Variants in ROBO2 observed in about 807,000 individuals in gnomAD.
The protein encoded by ROBO2 is roundabout homolog 2.
In ROBO2, 53 loss-of-function variants were observed where a neutral mutation model predicts 160.8. The ratio of observed to expected loss-of-function variants is 0.33; its 90% CI spans 0.26 to 0.41. The LOEUF (loss-of-function observed/expected upper bound fraction) is 0.41, where lower values mean the gene tolerates loss of function less well. Among genes scored for constraint, ROBO2 ranks in the 10% least tolerant of loss-of-function variants. The pLI is 1.00. For synonymous variants in ROBO2, 664 were observed against 611.7 expected, an observed-to-expected ratio of 1.09 and a Z score of -1.26; for missense variants, 1,577 against 1,722.4, an observed-to-expected ratio of 0.92 and a Z score of 1.49.
At chr3:76,108,912 T>C (rs2070080509) in intron 2 of ROBO2, among the ~76,000 whole-genome samples, 1 of 151,406 alleles carries the variant, frequency 6.6e-6, no homozygotes, top group Non-Finnish European at 1.5e-5. Context: ...GTAATTTTAT[T>C]AGATTACTAT....
At chr3:76,942,102 T>C (rs1013027380) in intron 2 of ROBO2, among the ~76,000 whole-genome samples, 1 of 152,226 alleles carries the variant, frequency 6.6e-6, no homozygotes, top group African/African-American at 2.4e-5. Context: ...ATGAAATTCA[T>C]ATATGTGAAG....
chr3:76,621,076 C>A (rs140055123), intron 2 of ROBO2, among the ~76,000 whole-genome samples: 60 of 151,530 alleles, frequency 4.0e-4, no homozygotes, highest in African/African-American at 1.5e-3. Flanking sequence ...TTTTAATACT[C>A]ATTTCACCAG....
chr3:77,176,566 A>C (rs889944924), intron 2 of ROBO2, among the ~76,000 whole-genome samples: 3 of 152,054 alleles, frequency 2.0e-5, no homozygotes, highest in Non-Finnish European at 4.4e-5. Context: ...AGCATATATC[A>C]TTAGAAAGAT....
intron 1 of ROBO2, among the ~76,000 whole-genome samples, chr3:75,912,174 A>G (rs1946626269): frequency 6.6e-6 from 1 of 152,228 alleles, no homozygotes; most frequent in East Asian, 1.9e-4. Flanking sequence ...GTACTCAAGC[A>G]TGTGGAGAGA....
At chr3:76,065,190 T>C (rs1302458431) in intron 2 of ROBO2, among the ~76,000 whole-genome samples, 1 of 152,102 alleles carries the variant, frequency 6.6e-6, no homozygotes, top group Non-Finnish European at 1.5e-5. Context: ...CTCTCCGTTG[T>C]CAGAGTTAAC....
At chr3:76,642,803 T>C (rs577772849) in intron 2 of ROBO2, among the ~76,000 whole-genome samples, 2 of 152,270 alleles carry the variant, frequency 1.3e-5, no homozygotes, top group East Asian at 3.9e-4. Flanking sequence ...ACCAAATACG[T>C]AAAACCATGA....
intron 2 of ROBO2, among the ~76,000 whole-genome samples, chr3:76,825,150 C>T (rs1174065463): frequency 6.6e-6 from 1 of 152,232 alleles, no homozygotes; most frequent in East Asian, 1.9e-4. Flanking sequence ...CACTGACCCC[C>T]GCCATACCCT....
intron 2 of ROBO2, among the ~76,000 whole-genome samples, chr3:77,014,441 A>G (rs1052493012): frequency 6.6e-5 from 10 of 152,200 alleles, no homozygotes; most frequent in African/African-American, 2.4e-4. Flanking sequence ...GGAGATACTC[A>G]TAAGGTGAAC....
At chr3:76,186,037 C>T (rs1036182489) in intron 2 of ROBO2, among the ~76,000 whole-genome samples, 6 of 151,236 alleles carry the variant, frequency 4.0e-5, no homozygotes, top group African/African-American at 1.5e-4. Flanking sequence ...GCAATCAAGC[C>T]ATCCTTCCAC....
chr3:77,406,709 C>A (rs1178711028), intron 2 of ROBO2, among the ~76,000 whole-genome samples: 1 of 151,966 alleles, frequency 6.6e-6, no homozygotes, highest in African/African-American at 2.4e-5. Context: ...TTTGTTTTCA[C>A]ATATTTTGAA....
rs1024819545 is a variant in ROBO2, at chr3:76,476,561, T to C, written c.109+538959T>C. On this transcript the variant is annotated intron_variant, in intron 2 of 26. Transcript: ENST00000487694. ...GAGCTGCTGCTTATTTGAAGAAATATCTTATGGATAAAATTTAGTCACTCC... is the reference window on the plus strand; with the variant it reads ...GAGCTGCTGCTTATTTGAAGAAATACCTTATGGATAAAATTTAGTCACTCC... Among the ~76,000 whole-genome samples, 3 of 152,186 alleles carry C rather than the reference T, an allele frequency of 2.0e-5. No individual in the cohort carries two copies. In the South Asian group the frequency reaches 6.2e-4, roughly 31 times the overall value.
chr3:76,446,767 C>T (rs558005173), intron 2 of ROBO2, among the ~76,000 whole-genome samples: 3 of 152,204 alleles, frequency 2.0e-5, no homozygotes, highest in Admixed American at 1.3e-4. Flanking sequence ...CTTTGACATA[C>T]CTGAGAAAAA....
intron 2 of ROBO2, among the ~76,000 whole-genome samples, chr3:76,480,004 T>C (rs140760028): frequency 1.3e-5 from 2 of 151,070 alleles, no homozygotes; most frequent in African/African-American, 4.8e-5. Context: ...AACAACAAAA[T>C]ACAAAGTAGC....
chr3:77,550,968 G>T (rs1442406060), exon 8 of ROBO2: 1 of 1,612,802 alleles, frequency 6.2e-7, no homozygotes, highest in East Asian at 2.2e-5. Context: ...TTTAGCAAAA[G>T]CTCAACTGGA....
chr3:77,409,146 AT>A (rs1181544170), intron 2 of ROBO2, among the ~76,000 whole-genome samples: 2 of 149,440 alleles, frequency 1.3e-5, no homozygotes, highest in African/African-American at 4.9e-5. Context: ...GGTTAAAATC[AT>A]TTTTTTGCAG....
intron 24 of ROBO2, among the ~76,000 whole-genome samples, chr3:77,639,060 C>G (rs898961846): frequency 6.6e-6 from 1 of 151,912 alleles, no homozygotes; most frequent in Admixed American, 6.6e-5. Flanking sequence ...GAACTTCTGA[C>G]CTGAGGCTCT....
At chr3:77,082,523 A>T (rs1385567798) in intron 1 of ROBO2, among the ~76,000 whole-genome samples, 2 of 152,124 alleles carry the variant, frequency 1.3e-5, no homozygotes, top group Non-Finnish European at 2.9e-5. Context: ...GATAACAGGG[A>T]TACAACCTCC....
chr3:76,976,495 A>G (rs1474088412), intron 2 of ROBO2, among the ~76,000 whole-genome samples: 1 of 152,168 alleles, frequency 6.6e-6, no homozygotes, highest in Admixed American at 6.5e-5. Flanking sequence ...TTTAGGTTGC[A>G]TTTTTAGTAT....
At chr3:76,333,210 C>T (rs111888352) in intron 2 of ROBO2, among the ~76,000 whole-genome samples, 1,773 of 152,192 alleles carry the variant, frequency 0.012, 38 homozygotes, top group African/African-American at 0.041. Context: ...TCTTGAAGTT[C>T]GTAAATTGGA....
Sources: gnomAD v4.1 joint callset for allele counts (sites outside exome capture counted in the v4.1 genomes callset) on GRCh38, gnomAD v4.1.1 for gene constraint, MANE v1.5 for transcripts, NCBI Gene and HGNC (gene_info 2026-07-23, HGNC 2026-07-21) for gene names.